Variants in EEF1E1 observed in about 807,000 individuals in gnomAD.
EEF1E1 encodes eukaryotic translation elongation factor 1 epsilon-1.
EEF1E1 carries 19 observed loss-of-function variants against 19.9 expected under a neutral mutation model. The ratio of observed to expected loss-of-function variants is 0.95; its 90% confidence interval spans 0.66 to 1.40. The LOEUF is 1.40. Among genes scored for constraint, EEF1E1 ranks in the 40% most tolerant of loss-of-function variants. EEF1E1 has a pLI of 0.00. For missense variants in EEF1E1, 198 were observed against 202.2 expected (o/e 0.98, Z 0.13); for synonymous variants, 81 against 80.0 (o/e 1.01, Z -0.07).
chr6:8,084,941 G>T (rs544565329), intron 3 of EEF1E1, among the ~76,000 whole-genome samples: 1 of 152,232 alleles, frequency 6.6e-6, no homozygotes, highest in South Asian at 2.1e-4. Context: ...TTGAAATGAG[G>T]TAAGTTGTGC....
At chr6:8,096,963 C>T (rs1758192775) in intron 2 of EEF1E1, among the ~76,000 whole-genome samples, 1 of 152,082 alleles carries the variant, frequency 6.6e-6, no homozygotes, top group South Asian at 2.1e-4. Flanking sequence ...TCATATAATA[C>T]TGTAATTATT....
Position 8,097,356 on chromosome 6 carries a change from C to T in EEF1E1, c.199G>A (p.Glu67Lys), listed in dbSNP as rs1758203241. The change falls in exon 2 of 4, where the codon GAA becomes AAA. Residue 67 changes from glutamate (E) to lysine (K), a missense_variant. Transcript: ENST00000379715. Reference protein sequence around the residue: ...KEYLLGSTAEEKAIVQQWLEY... With the variant: ...KEYLLGSTAEKKAIVQQWLEY... Reference sequence around the variant, plus strand: ...AACCACTGCTGAACGATTGCTTTTTCTTCTGCAGTACTCCCCAGCAAATAT... The same window carrying T: ...AACCACTGCTGAACGATTGCTTTTTTTTCTGCAGTACTCCCCAGCAAATAT... 6.2e-7 allele frequency: 1 copy of T among 1,614,174 alleles called. No individual in the cohort carries two copies. Among genetic ancestry groups the T allele is most frequent in the African/African-American group, 1.3e-5 (1 of 75,050 alleles).
chr6:8,100,815 G>A (rs891191507), intron 1 of EEF1E1, among the ~76,000 whole-genome samples: 4 of 151,210 alleles, frequency 2.6e-5, no homozygotes, highest in African/African-American at 9.7e-5. Context: ...CAGCCCCAGA[G>A]AGTTGCTGCT....
At position 8,080,782 on chromosome 6, in the gene EEF1E1, G is replaced by A. The variant is rs116533256; in HGVS notation, c.385-752C>T. On this transcript the variant is annotated intron_variant, in intron 3 of 3. Coordinates refer to ENST00000379715, the MANE Select transcript of EEF1E1 (RefSeq NM_004280.5). ...TGCAGCCATGACCCCATGAATGGGT[G>A]GTGTCGTTCCTTCTCCTAAGTCACA... Among the ~76,000 whole-genome samples the A allele has an allele frequency of 1.8e-3, 271 of 152,314 alleles. 3 individuals carry two copies. The highest frequency in any genetic ancestry group is 6.3e-3 in the African/African-American group (260 of 41,552).
At chr6:8,101,961 C>T (rs1758378429) in intron 1 of EEF1E1, 1 of 1,252,306 alleles carries the variant, frequency 8.0e-7, no homozygotes, top group African/African-American at 1.5e-5. Context: ...AGCAAGCTGC[C>T]TGAGAGGAGG....
downstream of EEF1E1, chr6:8,078,681 A>G (rs1388455842): frequency 1.6e-6 from 2 of 1,285,656 alleles, no homozygotes; most frequent in Admixed American, 4.7e-5. Flanking sequence ...CACTTCAGAG[A>G]CAAACATGGG....
At chr6:8,078,986 T>C (rs895607399), downstream of EEF1E1, among the ~76,000 whole-genome samples, 1 of 152,186 alleles carries the variant, frequency 6.6e-6, no homozygotes, top group African/African-American at 2.4e-5. Flanking sequence ...ACCCCATTTT[T>C]CTCATTATTT....
At chr6:8,099,275 T>C (rs1158396672) in intron 1 of EEF1E1, among the ~76,000 whole-genome samples, 1 of 152,242 alleles carries the variant, frequency 6.6e-6, no homozygotes, top group African/African-American at 2.4e-5. Context: ...TAATCAAGTA[T>C]TTTTACTGTA....
chr6:8,082,182 G>C (rs937893464), intron 3 of EEF1E1, among the ~76,000 whole-genome samples: 1 of 152,128 alleles, frequency 6.6e-6, no homozygotes, highest in Non-Finnish European at 1.5e-5. Flanking sequence ...GGAGTCTCTA[G>C]AGTCAGGATT....
chr6:8,076,354 C>T (rs1180772390), downstream of EEF1E1, among the ~76,000 whole-genome samples: 2 of 152,252 alleles, frequency 1.3e-5, no homozygotes, highest in East Asian at 3.9e-4. Flanking sequence ...GAGGGAGTCT[C>T]GCTCCGTTGC....
At chr6:8,090,664 A>G (rs556797030) in intron 2 of EEF1E1, among the ~76,000 whole-genome samples, 1 of 152,222 alleles carries the variant, frequency 6.6e-6, no homozygotes, top group Non-Finnish European at 1.5e-5. Context: ...AGAGAATTCT[A>G]AGAAACTCTA....
At chr6:8,078,592 A>C, downstream of EEF1E1, 1 of 1,105,688 alleles carries the variant, frequency 9.0e-7, no homozygotes, top group Non-Finnish European at 1.1e-6. Context: ...CAAACCTTCC[A>C]TGTGTTGAAG....
chr6:8,087,133 T>C lies in EEF1E1; in HGVS notation c.384+3053A>G, dbSNP rs553144802. ...AAAGAGAAGAGTAATGCAAGGATGC[T>C]GGGTAGAAACAGCCCAGCATACAGC... On this transcript the variant is annotated intron_variant, in intron 3 of 3. Transcript: ENST00000379715. 7.2e-5 allele frequency among the ~76,000 whole-genome samples: 11 copies of C among 152,202 alleles called. 1 individual carries two copies. The East Asian group carries it at 1.2e-3, about 16-fold the overall frequency.
chr6:8,097,686 C>CA (rs1392515261), intron 1 of EEF1E1, among the ~76,000 whole-genome samples: 6 of 152,100 alleles, frequency 3.9e-5, no homozygotes, highest in East Asian at 1.9e-4. Flanking sequence ...AATAACATTG[C>CA]AAAAATCCGT....
chr6:8,089,816 T>C (rs1358129509), intron 3 of EEF1E1: 22 of 237,032 alleles, frequency 9.3e-5, no homozygotes, highest in East Asian at 8.5e-4. Flanking sequence ...CAGGGGATGA[T>C]GACAAAACCT....
intron 3 of EEF1E1, among the ~76,000 whole-genome samples, chr6:8,088,561 G>GT (rs1435823046): frequency 6.6e-6 from 1 of 152,190 alleles, no homozygotes; most frequent in African/African-American, 2.4e-5. Context: ...TGCCATCCAT[G>GT]TAAGACATGA....
chr6:8,079,282 A>G (rs772790261), downstream of EEF1E1: 1 of 488,806 alleles, frequency 2.0e-6, no homozygotes, highest in Non-Finnish European at 2.7e-6. Flanking sequence ...ACAACAAAAA[A>G]GAATCATTAA....
At position 8,079,883 on chromosome 6, in the gene EEF1E1, A is replaced by T; in HGVS notation, c.*7T>A. 6.2e-7 allele frequency: 1 copy of T among 1,610,520 alleles called. No individual in the cohort carries two copies. The highest frequency in any genetic ancestry group is 8.5e-7 in the Non-Finnish European group (1 of 1,178,968). On this transcript the variant is annotated 3_prime_UTR_variant, in exon 4 of 4. Transcript: ENST00000379715. ...TTAATAGATCTTCTGTATGGCATGG[A>T]CAGCTTCTAGTGGGAATTAGTATAT...
intron 2 of EEF1E1, among the ~76,000 whole-genome samples, chr6:8,094,088 C>T (rs921422611): frequency 4.6e-5 from 7 of 152,044 alleles, no homozygotes; most frequent in African/African-American, 1.7e-4. Flanking sequence ...CGTGAGCCAC[C>T]GCATGCGGCC....
Sources: allele counts gnomAD v4.1 joint callset (sites outside exome capture counted in the v4.1 genomes callset), GRCh38; gene constraint gnomAD v4.1.1; transcripts MANE v1.5; gene names NCBI Gene and HGNC (gene_info 2026-07-23, HGNC 2026-07-21).